DNAH14: variants seen among roughly 807,000 people sequenced by gnomAD.
DNAH14 encodes axonemal beta dynein heavy chain 14.
DNAH14 carries 478 observed loss-of-function variants against 520.9 expected under a neutral mutation model. The ratio of observed to expected loss-of-function variants is 0.92; its 90% CI spans 0.85 to 0.99. The LOEUF (loss-of-function observed/expected upper bound fraction) is 0.99. Ranked by LOEUF, DNAH14 falls within the 50% of genes least tolerant of loss-of-function variation. The pLI, the probability that DNAH14 is intolerant of heterozygous loss-of-function variation, is 0.00. For missense variants in DNAH14, 4,831 were observed against 5,234.5 expected (o/e 0.92, Z 2.38); for synonymous variants, 1,581 against 1,757.2 (o/e 0.90, Z 2.51).
chr1:225,235,352 T>G (rs2091498363), intron 42 of DNAH14, among the ~76,000 whole-genome samples: 1 of 152,250 alleles, frequency 6.6e-6, no homozygotes, highest in Non-Finnish European at 1.5e-5. Context: ...TTTATTGATT[T>G]GCATATTTTG....
intron 1 of DNAH14, among the ~76,000 whole-genome samples, chr1:224,936,632 C>T (rs747278785): frequency 7.2e-5 from 11 of 151,816 alleles, no homozygotes; most frequent in Non-Finnish European, 1.5e-4. Flanking sequence ...CTGAATTCTA[C>T]CAAACATTTA....
At chr1:225,251,754 T>TA (rs2092561298) in intron 43 of DNAH14, among the ~76,000 whole-genome samples, 1 of 151,992 alleles carries the variant, frequency 6.6e-6, no homozygotes, top group African/African-American at 2.4e-5. Flanking sequence ...TTTCAAATGG[T>TA]AAAAAAATTT....
In DNAH14 at chr1:225,206,996, A is replaced by C. The variant is rs750926176; in HGVS notation, c.6215A>C (p.Tyr2072Ser). ...CCTGTTGATCTGGGATGGGAACCTT[A>C]TGTTAAGTCATGGCTTCTGAAAACT... ...MDPVDLGWEP[Y>S]VKSWLLKTSK... The change falls in exon 41 of 86, where the codon TAT becomes TCT. Residue 2072 changes from tyrosine to serine, a missense_variant. By Grantham distance (144) the Tyr-to-Ser change is moderately radical. Coordinates refer to ENST00000682510, the MANE Select transcript of DNAH14 (RefSeq NM_001367479.1). The C allele has an allele frequency of 7.8e-6, 12 of 1,533,028 alleles. No individual in the cohort carries two copies. Among genetic ancestry groups the C allele is most frequent in the Admixed American group, 6.3e-5 (3 of 47,414 alleles). 95.0% of individuals were successfully genotyped at this position (1,533,028 alleles called of 1,614,324 possible).
intron 41 of DNAH14, among the ~76,000 whole-genome samples, chr1:225,208,800 T>C (rs2087942932): frequency 6.6e-6 from 1 of 152,196 alleles, no homozygotes; most frequent in South Asian, 2.1e-4. Flanking sequence ...TTATTCTCTT[T>C]GTGTTTCTGT....
chr1:225,163,492 G>A (rs1484189853), intron 35 of DNAH14, among the ~76,000 whole-genome samples: 1 of 151,910 alleles, frequency 6.6e-6, no homozygotes, highest in East Asian at 1.9e-4. Context: ...CTAGCTGTGG[G>A]TCTGTCATGT....
intron 8 of DNAH14, among the ~76,000 whole-genome samples, chr1:224,984,836 A>G (rs892044054): frequency 2.0e-5 from 3 of 152,218 alleles, no homozygotes; most frequent in Admixed American, 1.3e-4. Flanking sequence ...TCAAAATAAG[A>G]TATACAAATG....
At position 225,346,221 on chromosome 1, in the gene DNAH14, C is replaced by G. The variant is rs1558476792; in HGVS notation, c.10938C>G (p.Ser3646Arg). The G allele has an allele frequency of 2.6e-6, 4 of 1,551,382 alleles. No individual in the cohort carries two copies. Among genetic ancestry groups the G allele is most frequent in the Non-Finnish European group, 2.6e-6 (3 of 1,146,960 alleles). Residue 3646 changes from serine to arginine, a missense_variant, in exon 70 of 86, where the codon AGC becomes AGG. Physicochemically the swap from Ser to Arg is moderately radical, Grantham distance 110 (BLOSUM62 -1). Transcript: ENST00000682510. ...TTGTTTCATCAGTAGTTTCCAAAAGCAAAGAACAAGAACATAGTTTTAAAA... is the reference window on the plus strand; with the variant it reads ...TTGTTTCATCAGTAGTTTCCAAAAGGAAAGAACAAGAACATAGTTTTAAAA... ...QVFVSSVVSK[S>R]KEQEHSFKRE...
chr1:224,944,495 C>A (rs1412104755), intron 1 of DNAH14, among the ~76,000 whole-genome samples: 2 of 149,976 alleles, frequency 1.3e-5, no homozygotes, highest in African/African-American at 5.0e-5. Context: ...ATTTACATTT[C>A]AGGTTAATAT....
intron 18 of DNAH14, among the ~76,000 whole-genome samples, 189 bp downstream of exon 18, chr1:225,079,737 A>G (rs966265532): frequency 7.2e-6 from 1 of 139,298 alleles, no homozygotes; most frequent in East Asian, 2.2e-4. Context: ...GCAGTGGCGC[A>G]ATCTCGGCTC....
At chr1:225,198,971 C>T (rs2086485110) in intron 38 of DNAH14, among the ~76,000 whole-genome samples, 1 of 152,100 alleles carries the variant, frequency 6.6e-6, no homozygotes, top group African/African-American at 2.4e-5. Context: ...CTGTCTAGTC[C>T]TGGACTTTTT....
At chr1:225,295,214 G>A (rs2093981832) in intron 55 of DNAH14, among the ~76,000 whole-genome samples, 1 of 151,884 alleles carries the variant, frequency 6.6e-6, no homozygotes, top group Admixed American at 6.6e-5. Flanking sequence ...TTTTGGTTGT[G>A]TTGATCTTTG....
In DNAH14 at chr1:225,346,026, A is replaced by T; in HGVS notation, c.10743A>T (p.Glu3581Asp). ...TLRKSKMTSN[E>D]ISKRIEATKK... Reference sequence around the variant, plus strand: ...GAAAATCCAAAATGACATCAAACGAAATTTCAAAGCGCATCGAAGCAACAA... The same window carrying T: ...GAAAATCCAAAATGACATCAAACGATATTTCAAAGCGCATCGAAGCAACAA... Residue 3581 changes from glutamate to aspartate, a missense_variant, in exon 70 of 86, where the codon GAA becomes GAT. By Grantham distance (45) the Glu-to-Asp change is conservative. Coordinates refer to ENST00000682510, the MANE Select transcript of DNAH14 (RefSeq NM_001367479.1). 1.9e-6 allele frequency: 3 copies of T among 1,551,640 alleles called. No homozygotes were observed. Among genetic ancestry groups the T allele is most frequent in the Non-Finnish European group, 2.6e-6 (3 of 1,146,984 alleles).
At chr1:225,245,804 T>C (rs2149671973) in intron 43 of DNAH14, among the ~76,000 whole-genome samples, 1 of 152,296 alleles carries the variant, frequency 6.6e-6, no homozygotes, top group Non-Finnish European at 1.5e-5. Context: ...CTGCTCCAAG[T>C]AATTTATAGA....
At chr1:224,979,281 G>T (rs889762201) in intron 8 of DNAH14, among the ~76,000 whole-genome samples, 3 of 152,174 alleles carry the variant, frequency 2.0e-5, no homozygotes, top group Non-Finnish European at 4.4e-5. Flanking sequence ...CCCATGCCAT[G>T]GCAGTGGCTG....
intron 49 of DNAH14, among the ~76,000 whole-genome samples, chr1:225,269,458 C>G (rs2093240797): frequency 6.6e-6 from 1 of 152,140 alleles, no homozygotes; most frequent in African/African-American, 2.4e-5. Context: ...GCAATGGCAA[C>G]AAAAGCCAAA....
intron 35 of DNAH14, among the ~76,000 whole-genome samples, chr1:225,162,297 C>T (rs1217283302): frequency 2.0e-5 from 3 of 152,114 alleles, no homozygotes; most frequent in Non-Finnish European, 4.4e-5. Context: ...AAGTTCACCA[C>T]AGGTGTGTGT....
At chr1:224,992,089 T>C (rs2063097547) in intron 8 of DNAH14, among the ~76,000 whole-genome samples, 1 of 152,136 alleles carries the variant, frequency 6.6e-6, no homozygotes, top group African/African-American at 2.4e-5. Context: ...GTTTTATTGG[T>C]ATATATGTCT....
intron 60 of DNAH14, among the ~76,000 whole-genome samples, chr1:225,312,173 G>A (rs2094380436): frequency 6.6e-6 from 1 of 152,088 alleles, no homozygotes; most frequent in South Asian, 2.1e-4. Context: ...TCCCTTGTAA[G>A]TTGTATTCCT....
At chr1:224,975,867 G>T (rs145187380) in intron 8 of DNAH14, among the ~76,000 whole-genome samples, 1 of 151,892 alleles carries the variant, frequency 6.6e-6, no homozygotes, top group Non-Finnish European at 1.5e-5. Context: ...GGCATTTAGT[G>T]CTATAAATTT....
Sources: allele counts gnomAD v4.1 joint callset (sites outside exome capture counted in the v4.1 genomes callset), GRCh38; gene constraint gnomAD v4.1.1; transcripts MANE v1.5; gene names NCBI Gene and HGNC (gene_info 2026-07-23, HGNC 2026-07-21).